Variants in TENM3 observed in about 807,000 individuals in gnomAD.
TENM3 encodes teneurin-3.
In TENM3, 63 loss-of-function variants were observed where a neutral mutation model predicts 255.1. The observed-to-expected ratio is 0.25, with a 90% CI of 0.20 to 0.30. The LOEUF (loss-of-function observed/expected upper bound fraction) is 0.30. Among genes scored for constraint, TENM3 ranks in the 10% least tolerant of loss-of-function variants. TENM3 has a pLI of 1.00. For missense variants in TENM3, 2,929 were observed against 3,461.1 expected (o/e 0.85, Z 3.86); for synonymous variants, 1,306 against 1,322.3 (o/e 0.99, Z 0.27).
intron 3 of TENM3, among the ~76,000 whole-genome samples, chr4:182,593,620 G>A (rs1451863032): frequency 6.6e-6 from 1 of 152,152 alleles, no homozygotes; most frequent in Non-Finnish European, 1.5e-5. Flanking sequence ...GGAGAACAGG[G>A]TGAAGGAAGT....
the TENM3 span, among the ~76,000 whole-genome samples, chr4:182,001,846 C>T: frequency 6.6e-6 from 1 of 151,860 alleles, no homozygotes; most frequent in Non-Finnish European, 1.5e-5. Context: ...ATATGAGAGA[C>T]CTAAGGTATT....
At chr4:182,076,188 C>A in the TENM3 span, among the ~76,000 whole-genome samples, 1 of 151,284 alleles carries the variant, frequency 6.6e-6, no homozygotes, top group African/African-American at 2.4e-5. Context: ...CCACCATGCC[C>A]AGCCTCTTTC....
chr4:181,821,984 C>T, the TENM3 span, among the ~76,000 whole-genome samples: 1 of 152,098 alleles, frequency 6.6e-6, no homozygotes, highest in Non-Finnish European at 1.5e-5. Flanking sequence ...TTATTTTGTT[C>T]ACAATTATTC....
the TENM3 span, among the ~76,000 whole-genome samples, chr4:181,658,484 G>T: frequency 6.6e-6 from 1 of 152,226 alleles, no homozygotes; most frequent in Non-Finnish European, 1.5e-5. Flanking sequence ...GAAAAGCCCC[G>T]CTGGACTCTT....
chr4:182,175,284 G>T (rs539082459), intron 1 of TENM3, among the ~76,000 whole-genome samples: 149 of 127,818 alleles, frequency 1.2e-3, no homozygotes, highest in African/African-American at 4.0e-3. Flanking sequence ...GTTACCTCAG[G>T]CCTCTGCTCT....
At chr4:181,491,575 G>C in the TENM3 span, among the ~76,000 whole-genome samples, 1 of 151,966 alleles carries the variant, frequency 6.6e-6, no homozygotes, top group Non-Finnish European at 1.5e-5. Flanking sequence ...GGAACAGGTA[G>C]TATTTCCCAT....
chr4:182,729,254 C>A, intron 14 of TENM3, 73 bp downstream of exon 14: 1 of 1,306,400 alleles, frequency 7.7e-7, no homozygotes, highest in Non-Finnish European at 1.1e-6. Context: ...GTGAAATACT[C>A]ATGACTGTGA....
the TENM3 span, among the ~76,000 whole-genome samples, chr4:181,873,735 G>A: frequency 8.4e-6 from 1 of 118,862 alleles, no homozygotes; most frequent in Non-Finnish European, 1.8e-5. Context: ...CGAAGTTCTT[G>A]AGTATGGTGT....
intron 1 of TENM3, among the ~76,000 whole-genome samples, chr4:182,152,859 A>T (rs1261099165): frequency 6.6e-6 from 1 of 151,874 alleles, no homozygotes; most frequent in Admixed American, 6.6e-5. Flanking sequence ...AAAAAGATGT[A>T]ATTTTAAATA....
chr4:181,823,205 T>C, the TENM3 span, among the ~76,000 whole-genome samples: 2 of 152,288 alleles, frequency 1.3e-5, no homozygotes, highest in African/African-American at 4.8e-5. Flanking sequence ...TATTCAACAG[T>C]GATTACTTTC....
At chr4:182,463,869 G>A (rs932306623) in intron 3 of TENM3, among the ~76,000 whole-genome samples, 3 of 151,816 alleles carry the variant, frequency 2.0e-5, no homozygotes, top group Admixed American at 6.6e-5. Flanking sequence ...TGATCCACCC[G>A]CCTCGGCCTC....
At chr4:182,352,781 C>T (rs538745969) in intron 3 of TENM3, among the ~76,000 whole-genome samples, 2 of 152,098 alleles carry the variant, frequency 1.3e-5, no homozygotes, top group Admixed American at 6.6e-5. Context: ...AGGAAAAAGG[C>T]GTACCCCTCA....
the TENM3 span, among the ~76,000 whole-genome samples, chr4:182,106,112 C>T: frequency 6.6e-6 from 1 of 152,168 alleles, no homozygotes; most frequent in African/African-American, 2.4e-5. Context: ...CTCCCCTGAC[C>T]CCCAGCAAAT....
the TENM3 span, among the ~76,000 whole-genome samples, chr4:181,458,330 T>G: frequency 6.6e-6 from 1 of 151,928 alleles, no homozygotes; most frequent in South Asian, 2.1e-4. Flanking sequence ...GAACAGTGAA[T>G]CAGTGTAGAT....
At chr4:181,847,649 T>C in the TENM3 span, among the ~76,000 whole-genome samples, 1 of 151,920 alleles carries the variant, frequency 6.6e-6, no homozygotes, top group Non-Finnish European at 1.5e-5. Context: ...AATAGAAATA[T>C]ATTGATAGAC....
At chr4:182,449,804 G>T (rs181505905) in intron 3 of TENM3, among the ~76,000 whole-genome samples, 1 of 152,354 alleles carries the variant, frequency 6.6e-6, no homozygotes, top group Admixed American at 6.5e-5. Flanking sequence ...TTGCAGTTGT[G>T]CTTCGATGCA....
the TENM3 span, among the ~76,000 whole-genome samples, chr4:181,537,358 A>G: frequency 3.3e-5 from 5 of 152,310 alleles, no homozygotes; most frequent in Admixed American, 2.0e-4. Context: ...ACACACTGTA[A>G]TTTACAAATG....
intron 1 of TENM3, among the ~76,000 whole-genome samples, chr4:182,194,523 C>T (rs1376578488): frequency 3.9e-5 from 6 of 152,162 alleles, no homozygotes; most frequent in Non-Finnish European, 8.8e-5. Context: ...ATGAGGATTT[C>T]GCCTCAATAT....
chr4:181,512,689 A>G, the TENM3 span, among the ~76,000 whole-genome samples: 1 of 152,230 alleles, frequency 6.6e-6, no homozygotes, highest in African/African-American at 2.4e-5. Flanking sequence ...CAGTCTGTGA[A>G]CCAGCTTATC....
Sources: gnomAD v4.1 joint callset for allele counts (sites outside exome capture counted in the v4.1 genomes callset) on GRCh38, gnomAD v4.1.1 for gene constraint, MANE v1.5 for transcripts, NCBI Gene and HGNC (gene_info 2026-07-23, HGNC 2026-07-21) for gene names.